Variants in GRIN2A observed in about 807,000 individuals in gnomAD.
GRIN2A encodes the protein glutamate ionotropic receptor NMDA type subunit 2A, also known as glutamate receptor ionotropic, NMDA 2A.
Under a neutral mutation model 113.4 loss-of-function variants are expected in GRIN2A, and 22 were observed. That is an observed-to-expected ratio of 0.19 (90% CI 0.14 to 0.28). The LOEUF (loss-of-function observed/expected upper bound fraction) is 0.28. Among genes scored for constraint, GRIN2A ranks in the 10% least tolerant of loss-of-function variants. GRIN2A has a pLI of 1.00. For synonymous variants in GRIN2A, 827 were observed against 738.4 expected (o/e 1.12, Z -1.94); for missense variants, 1,502 against 1,887.0 (o/e 0.80, Z 3.78).
At chr16:10,145,640 T>G (rs184721998) in intron 2 of GRIN2A, among the ~76,000 whole-genome samples, 1 of 152,322 alleles carries the variant, frequency 6.6e-6, no homozygotes, top group Admixed American at 6.5e-5. Flanking sequence ...ACTGAGTCAA[T>G]TTAAAGAAAA....
At chr16:10,090,426 G>A (rs1478442329) in intron 2 of GRIN2A, among the ~76,000 whole-genome samples, 1 of 152,130 alleles carries the variant, frequency 6.6e-6, no homozygotes, top group African/African-American at 2.4e-5. Context: ...AGGATAATTT[G>A]ATAGGAAAAA....
At chr16:9,983,398 A>C (rs1477259200) in intron 2 of GRIN2A, among the ~76,000 whole-genome samples, 1 of 150,836 alleles carries the variant, frequency 6.6e-6, no homozygotes, top group Non-Finnish European at 1.5e-5. Flanking sequence ...GTGTCCTCCA[A>C]GCTCATCCAT....
chr16:9,941,505 G>A (rs1223906070), intron 2 of GRIN2A, among the ~76,000 whole-genome samples: 1 of 152,178 alleles, frequency 6.6e-6, no homozygotes, highest in African/African-American at 2.4e-5. Flanking sequence ...CCCTTGCTTT[G>A]TGCTGTCTCC....
intron 2 of GRIN2A, chr16:10,112,172 G>A: frequency 1.7e-6 from 1 of 586,438 alleles, no homozygotes. Context: ...TGCTCACCTG[G>A]GTAGGCATCA....
intron 11 of GRIN2A, among the ~76,000 whole-genome samples, chr16:9,786,047 G>C (rs895579245): frequency 6.6e-6 from 1 of 152,224 alleles, no homozygotes; most frequent in African/African-American, 2.4e-5. Context: ...TAGAAAGTTA[G>C]TAATTTACAG....
intron 2 of GRIN2A, among the ~76,000 whole-genome samples, chr16:9,991,301 G>A (rs973104684): frequency 2.6e-5 from 4 of 152,148 alleles, no homozygotes; most frequent in African/African-American, 4.8e-5. Context: ...CCCCAAGGTG[G>A]AGAACCAGTT....
intron 2 of GRIN2A, among the ~76,000 whole-genome samples, chr16:10,143,280 G>C (rs1188369388): frequency 6.6e-6 from 1 of 152,178 alleles, no homozygotes; most frequent in African/African-American, 2.4e-5. Context: ...CCTTAACGTG[G>C]TGTATTCCAG....
intron 8 of GRIN2A, among the ~76,000 whole-genome samples, chr16:9,833,086 A>G (rs997562345): frequency 6.6e-6 from 1 of 152,186 alleles, no homozygotes; most frequent in Non-Finnish European, 1.5e-5. Flanking sequence ...TTTGGTCCTG[A>G]CACTTTTCTG....
chr16:9,857,139 T>C (rs1261326348), intron 4 of GRIN2A, among the ~76,000 whole-genome samples: 1 of 152,014 alleles, frequency 6.6e-6, no homozygotes, highest in East Asian at 1.9e-4. Context: ...TTGTCAAAGG[T>C]CATTAAAAAA....
At chr16:9,898,094 A>G (rs1476697351) in intron 3 of GRIN2A, among the ~76,000 whole-genome samples, 1 of 128,328 alleles carries the variant, frequency 7.8e-6, no homozygotes, top group African/African-American at 2.8e-5. Context: ...GGATTAAGTT[A>G]AACCATACAG....
chr16:10,162,953 C>T (rs769801354), intron 2 of GRIN2A, among the ~76,000 whole-genome samples: 4 of 152,156 alleles, frequency 2.6e-5, no homozygotes, highest in Admixed American at 6.5e-5. Flanking sequence ...CATGATCCCA[C>T]GAAGGCACAT....
intron 2 of GRIN2A, among the ~76,000 whole-genome samples, chr16:10,147,299 C>G (rs761942882): frequency 6.6e-6 from 1 of 151,802 alleles, no homozygotes. Context: ...TAAAAGAAGA[C>G]ACAGATTTTA....
chr16:9,880,617 G>A (rs997600335), intron 4 of GRIN2A, among the ~76,000 whole-genome samples: 3 of 152,174 alleles, frequency 2.0e-5, no homozygotes, highest in African/African-American at 7.2e-5. Context: ...AAGGCCAAGT[G>A]TCACTGGAGA....
chr16:9,910,660 C>T (rs1422865893), intron 3 of GRIN2A, among the ~76,000 whole-genome samples: 1 of 151,488 alleles, frequency 6.6e-6, no homozygotes, highest in East Asian at 2.0e-4. Context: ...GCCTCAGCCT[C>T]CTGAGTAGCT....
intron 11 of GRIN2A, among the ~76,000 whole-genome samples, chr16:9,772,033 T>C (rs944473472): frequency 2.3e-4 from 35 of 151,992 alleles, no homozygotes; most frequent in African/African-American, 8.0e-4. Flanking sequence ...GTTAATGAGT[T>C]TTTTTTTAAA....
chr16:10,012,417 A>G (rs865678), intron 2 of GRIN2A, among the ~76,000 whole-genome samples: 86,529 of 152,062 alleles, frequency 0.57, 24,920 homozygotes, highest in Middle Eastern at 0.62. Flanking sequence ...ACCACAGGAA[A>G]AATGGTTATC....
chr16:10,070,544 TGGGATGATTTGTTCTTAAACTTCAA>T (rs1222560856), intron 2 of GRIN2A, among the ~76,000 whole-genome samples: 4 of 152,182 alleles, frequency 2.6e-5, no homozygotes, highest in Non-Finnish European at 5.9e-5. Flanking sequence ...CAGCGTGGCC[TGGGATGATTTGTTCTTAAACTTCAA>T]GGGCTGCTTG....
At chr16:9,870,739 G>A (rs918095816) in intron 4 of GRIN2A, among the ~76,000 whole-genome samples, 6 of 151,506 alleles carry the variant, frequency 4.0e-5, no homozygotes, top group Admixed American at 3.3e-4. Flanking sequence ...CCAGGTTCAA[G>A]CAATTCTCCT....
At chr16:10,079,717 G>A (rs899876105) in intron 2 of GRIN2A, among the ~76,000 whole-genome samples, 5 of 152,194 alleles carry the variant, frequency 3.3e-5, no homozygotes, top group Non-Finnish European at 7.3e-5. Context: ...GCAGCCTACA[G>A]AACTATAAGA....
Sources: gnomAD v4.1 joint callset for allele counts (sites outside exome capture counted in the v4.1 genomes callset) on GRCh38, gnomAD v4.1.1 for gene constraint, MANE v1.5 for transcripts, NCBI Gene and HGNC (gene_info 2026-07-23, HGNC 2026-07-21) for gene names.